KMT2C: variants seen among roughly 807,000 people sequenced by gnomAD.
The protein encoded by KMT2C is histone-lysine N-methyltransferase 2C.
Under a neutral mutation model 507.9 loss-of-function variants are expected in KMT2C, and 88 were observed. The ratio of observed to expected loss-of-function variants is 0.17; its 90% CI spans 0.15 to 0.21. The LOEUF is 0.21. KMT2C is among the 10% of genes least tolerant of loss of function. The pLI, the probability that KMT2C is intolerant of heterozygous loss-of-function variation, is 1.00. For synonymous variants in KMT2C, 2,049 were observed against 2,080.8 expected (o/e 0.98, Z 0.42); for missense variants, 4,954 against 5,957.8 (o/e 0.83, Z 5.55).
chr7:152,310,135 A>T (rs1156912837), intron 5 of KMT2C, 60 bp from the exon 6 acceptor site: 1 of 1,114,332 alleles, frequency 9.0e-7, no homozygotes, highest in African/African-American at 1.6e-5. Context: ...TAAAGCTAAT[A>T]AATAAAGACA....
intron 38 of KMT2C, among the ~76,000 whole-genome samples, chr7:152,174,987 C>T (rs2093134025): frequency 6.6e-6 from 1 of 152,126 alleles, no homozygotes; most frequent in South Asian, 2.1e-4. Flanking sequence ...TTCATCCTTC[C>T]ATGACTGAAA....
At chr7:152,426,945 T>C (rs1010363044) in intron 1 of KMT2C, among the ~76,000 whole-genome samples, 4 of 152,202 alleles carry the variant, frequency 2.6e-5, no homozygotes, top group Non-Finnish European at 5.9e-5. Flanking sequence ...TCTGAAGTAT[T>C]AAGCTTTTTT....
chr7:152,358,286 T>A (rs2097168559), intron 2 of KMT2C, among the ~76,000 whole-genome samples: 1 of 152,062 alleles, frequency 6.6e-6, no homozygotes, highest in African/African-American at 2.4e-5. Flanking sequence ...CAGAATATAC[T>A]ATGAGCGATT....
chr7:152,389,147 G>A (rs1163069480), intron 1 of KMT2C, among the ~76,000 whole-genome samples: 1 of 152,128 alleles, frequency 6.6e-6, no homozygotes, highest in Non-Finnish European at 1.5e-5. Context: ...CTCCCAAAGT[G>A]CTGGGATTAC....
intron 11 of KMT2C, among the ~76,000 whole-genome samples, chr7:152,251,390 T>A (rs1005301548): frequency 6.6e-6 from 1 of 152,210 alleles, no homozygotes; most frequent in Non-Finnish European, 1.5e-5. Context: ...AGATGTTTAG[T>A]TATCCTTGAA....
At chr7:152,373,947 A>G (rs1175275011) in intron 1 of KMT2C, among the ~76,000 whole-genome samples, 1 of 152,212 alleles carries the variant, frequency 6.6e-6, no homozygotes, top group Non-Finnish European at 1.5e-5. Context: ...GACACAATTA[A>G]TCAACCTATA....
At chr7:152,431,049 TAAC>T (rs1049643081) in intron 1 of KMT2C, among the ~76,000 whole-genome samples, 3 of 152,278 alleles carry the variant, frequency 2.0e-5, no homozygotes, top group Non-Finnish European at 4.4e-5. Flanking sequence ...CTTGGCAGAT[TAAC>T]AACAATTCTG....
chr7:152,364,930 G>GACACACAC (rs771689076), intron 1 of KMT2C, among the ~76,000 whole-genome samples: 116 of 130,308 alleles, frequency 8.9e-4, no homozygotes, highest in African/African-American at 3.6e-3. Context: ...ATCTGAAACA[G>GACACACAC]ACAGACACAC....
At chr7:152,252,204 A>G (rs1415495328) in intron 10 of KMT2C, 114 bp from the exon 11 acceptor site, 3 of 741,094 alleles carry the variant, frequency 4.0e-6, no homozygotes, top group Non-Finnish European at 6.3e-6. Context: ...GTATGAGAGG[A>G]GAGAGGTTAG....
intron 14 of KMT2C, among the ~76,000 whole-genome samples, chr7:152,240,643 C>T (rs2095365858): frequency 6.6e-6 from 1 of 152,288 alleles, no homozygotes; most frequent in South Asian, 2.1e-4. Context: ...CTCCCTTAAC[C>T]GGTTTCATCC....
At chr7:152,323,694 G>A (rs2096793618) in intron 3 of KMT2C, among the ~76,000 whole-genome samples, 2 of 135,800 alleles carry the variant, frequency 1.5e-5, no homozygotes, top group Admixed American at 1.5e-4. Context: ...AAAAAGGAAA[G>A]AAGGAAGGAA....
chr7:152,272,478 T>C (rs1227386920), intron 7 of KMT2C, among the ~76,000 whole-genome samples: 3 of 152,200 alleles, frequency 2.0e-5, no homozygotes, highest in Non-Finnish European at 4.4e-5. Flanking sequence ...ATATTTATTA[T>C]GCCACCCAGA....
At chr7:152,430,157 AAG>A (rs1190334921) in intron 1 of KMT2C, among the ~76,000 whole-genome samples, 13 of 151,582 alleles carry the variant, frequency 8.6e-5, no homozygotes, top group Admixed American at 5.9e-4. Flanking sequence ...CAGCCTAGGC[AAG>A]AGAGTGAGAC....
intron 6 of KMT2C, among the ~76,000 whole-genome samples, chr7:152,301,350 A>G (rs1262519418): frequency 6.6e-6 from 1 of 151,852 alleles, no homozygotes; most frequent in South Asian, 2.1e-4. Flanking sequence ...TAAAAAAAAA[A>G]TACAAAATAT....
intron 2 of KMT2C, among the ~76,000 whole-genome samples, chr7:152,351,666 C>G (rs1263154603): frequency 6.6e-6 from 1 of 152,212 alleles, no homozygotes; most frequent in Non-Finnish European, 1.5e-5. Context: ...ATTTCACAGA[C>G]ATTTATTAGA....
chr7:152,196,500 ATACTGAT>A (rs1480691847), intron 27 of KMT2C, among the ~76,000 whole-genome samples: 1 of 152,188 alleles, frequency 6.6e-6, no homozygotes, highest in African/African-American at 2.4e-5. Context: ...TTTGCTGTTC[ATACTGAT>A]TACTCACTCA....
chr7:152,201,467 C>G (rs1294355908), intron 26 of KMT2C, among the ~76,000 whole-genome samples: 2 of 151,726 alleles, frequency 1.3e-5, no homozygotes, highest in Admixed American at 1.3e-4. Context: ...TTCATACTTG[C>G]AGAAACACCT....
chr7:152,286,015 G>C (rs1261813505), intron 6 of KMT2C, among the ~76,000 whole-genome samples: 2 of 152,270 alleles, frequency 1.3e-5, no homozygotes, highest in Admixed American at 1.3e-4. Context: ...CAACTAATAA[G>C]TATGGTAATT....
Position 152,298,654 on chromosome 7 carries a change from A to G in KMT2C, c.849+11312T>C, listed in dbSNP as rs532942381. 1.1e-4 allele frequency among the ~76,000 whole-genome samples: 16 copies of G among 152,368 alleles called. 1 individual carries two copies. The South Asian group carries it at 3.3e-3, about 32-fold the overall frequency. On this transcript the variant is annotated intron_variant, in intron 6 of 58. Coordinates refer to ENST00000262189, the MANE Select transcript of KMT2C (RefSeq NM_170606.3). Reference sequence around the variant, plus strand: ...CAAGAAATGTTAAAGGATATTCTCCAGAAACAAAATGATGTCAGATGAAAA... The same window carrying G: ...CAAGAAATGTTAAAGGATATTCTCCGGAAACAAAATGATGTCAGATGAAAA...
Sources: allele counts gnomAD v4.1 joint callset (sites outside exome capture counted in the v4.1 genomes callset), GRCh38; gene constraint gnomAD v4.1.1; transcripts MANE v1.5; gene names NCBI Gene and HGNC (gene_info 2026-07-23, HGNC 2026-07-21).